The following KLHL40 variants were observed in gnomAD, a reference collection of about 807,000 sequenced individuals.
KLHL40 encodes kelch like family member 40, also known as kelch-like protein 40.
Under a neutral mutation model 49.7 loss-of-function variants are expected in KLHL40, and 44 were observed. The ratio of observed to expected loss-of-function variants is 0.89; its 90% CI spans 0.70 to 1.14. The LOEUF (loss-of-function observed/expected upper bound fraction) is 1.14, where lower values mean the gene tolerates loss of function less well. Ranked by LOEUF, KLHL40 falls within the 50% of genes most tolerant of loss-of-function variation. KLHL40 has a pLI of 0.00. For missense variants in KLHL40, 892 were observed against 850.3 expected, an observed-to-expected ratio of 1.05 and a Z score of -0.61; for synonymous variants, 409 against 365.2, an observed-to-expected ratio of 1.12 and a Z score of -1.37.
chr3:42,686,171 G>C lies in KLHL40; in HGVS notation c.553G>C (p.Gly185Arg), dbSNP rs921432594. The C allele has an allele frequency of 6.9e-6, 11 of 1,588,558 alleles. No homozygotes were observed. The highest frequency in any genetic ancestry group is 1.1e-5 in the South Asian group (1 of 90,032). ...DELIAIISSD[G>R]LNVEKEEAVF... ...GCTCATCGCCATCATCTCCAGCGAC[G>C]GCCTTAACGTGGAGAAGGAGGAGGC... The change falls in exon 1 of 6, where the codon GGC (glycine) becomes CGC (arginine). Residue 185 changes from glycine (G) to arginine (R), a missense_variant. Physicochemically the swap from Gly to Arg is moderately radical, Grantham distance 125. Coordinates refer to ENST00000287777, the MANE Select transcript of KLHL40 (RefSeq NM_152393.4).
In KLHL40 at chr3:42,688,295, G is replaced by T; in HGVS notation, c.1306G>T (p.Asp436Tyr). The stretch of plus-strand genomic sequence containing the variant: ...CTGCCTGGACTCGGTCATGTGCTAC[G>T]ACAGGCTGTGAGCATGGCTGGGGTG... ...ERCLDSVMCY[D>Y]RLSFKWGESD... Residue 436 changes from aspartate to tyrosine, a missense_variant, in exon 2 of 6, where the codon GAC becomes TAC. By Grantham distance (160) the Asp-to-Tyr change is radical. Transcript: ENST00000287777. This position sits in a 1 kb window ranked among gnomAD's most constrained non-coding sequence, Gnocchi z 4.2. 1.2e-6 allele frequency: 2 copies of T among 1,613,900 alleles called. No homozygotes were observed. The highest frequency in any genetic ancestry group is 1.1e-5 in the South Asian group (1 of 91,064).
Position 42,692,017 on chromosome 3 carries a change from G to A in KLHL40, c.*24G>A. On this transcript the variant is annotated 3_prime_UTR_variant, in exon 6 of 6. Transcript: ENST00000287777. ...GACCAGCTCAGGCAGACTGAACTAA[G>A]CACCCCTCCCATCCTGCGACCCTCA... 7.1e-7 allele frequency: 1 copy of A among 1,404,630 alleles called. No homozygotes were observed. The highest frequency in any genetic ancestry group is 1.0e-6 in the Non-Finnish European group (1 of 989,266). 87.0% of individuals were successfully genotyped at this position (1,404,630 alleles called of 1,614,324 possible).
chr3:42,687,122 G>A (rs1308444366), intron 1 of KLHL40, among the ~76,000 whole-genome samples: 5 of 152,184 alleles, frequency 3.3e-5, no homozygotes, highest in East Asian at 1.9e-4. Context: ...GGCCAGGCCC[G>A]GAGCTCACAG....
In KLHL40 at chr3:42,688,449, G is replaced by T. The variant is rs549704959; in HGVS notation, c.1313+147G>T. On this transcript the variant is annotated intron_variant, in intron 2 of 5. Coordinates refer to ENST00000287777, the MANE Select transcript of KLHL40 (RefSeq NM_152393.4). This position sits in a 1 kb window ranked among gnomAD's most constrained non-coding sequence, Gnocchi z 4.2. ...TTGGGTAAGGGCGGGGAGGTTGGGGGGCAGGGTGGGATCAAAGAACTGAGA... is the reference window on the plus strand; with the variant it reads ...TTGGGTAAGGGCGGGGAGGTTGGGGTGCAGGGTGGGATCAAAGAACTGAGA... 1.0e-6 allele frequency: 1 copy of T among 987,628 alleles called. No homozygotes were observed. The highest frequency in any genetic ancestry group is 1.5e-5 in the South Asian group (1 of 66,668). The allele number at this position is 987,628 out of a possible 1,614,324, so 61.2% of individuals were successfully genotyped here.
chr3:42,688,711 G>A lies in KLHL40; in HGVS notation c.1415G>A (p.Ser472Asn), dbSNP rs905617067. ...GTCTACGTAATTGGCGGCAAAGGCAGTGACAGGTGAGGCTGGGCCTGGAGT... is the reference window on the plus strand; with the variant it reads ...GTCTACGTAATTGGCGGCAAAGGCAATGACAGGTGAGGCTGGGCCTGGAGT... ...DLVYVIGGKG[S>N]DRKCLNKMCV... Residue 472 changes from serine to asparagine, a missense_variant, in exon 3 of 6, where the codon AGT (serine) becomes AAT (asparagine). Coordinates refer to ENST00000287777, the MANE Select transcript of KLHL40 (RefSeq NM_152393.4). The surrounding 1 kb of genome is among the most constrained non-coding windows in gnomAD (Gnocchi z 4.2). 6.2e-7 allele frequency: 1 copy of A among 1,613,044 alleles called. No individual in the cohort carries two copies. Among genetic ancestry groups the A allele is most frequent in the South Asian group, 1.1e-5 (1 of 91,064 alleles).
rs926412419 is a variant in KLHL40 at position 42,688,459 on chromosome 3, G to A, written c.1314-151G>A. On this transcript the variant is annotated intron_variant, in intron 2 of 5. Transcript: ENST00000287777. The surrounding 1 kb of genome is among the most constrained non-coding windows in gnomAD (Gnocchi z 4.2). ...GCGGGGAGGTTGGGGGGCAGGGTGG[G>A]ATCAAAGAACTGAGAGGCCTCGGAA... The A allele has an allele frequency of 1.1e-6, 1 of 921,328 alleles. No homozygotes were observed. The highest frequency in any genetic ancestry group is 1.7e-6 in the Non-Finnish European group (1 of 593,578). The allele number at this position is 921,328 out of a possible 1,614,324, so 57.1% of individuals were successfully genotyped here. A position where few individuals can be genotyped will look rare whatever the true frequency, so the allele number is the denominator to read the frequency against.
rs1697392389 is a variant in KLHL40, at chr3:42,692,529, C to T, written c.*536C>T. On this transcript the variant is annotated 3_prime_UTR_variant, in exon 6 of 6. Transcript: ENST00000287777. ...GGGCTGCCAAGGTCGATGGTCTCTGCTCTCCATCTGGTGTCCCCTCCACCC... is the reference window on the plus strand; with the variant it reads ...GGGCTGCCAAGGTCGATGGTCTCTGTTCTCCATCTGGTGTCCCCTCCACCC... 2.7e-6 allele frequency: 2 copies of T among 752,654 alleles called. No homozygotes were observed. The highest frequency in any genetic ancestry group is 6.1e-5 in the Admixed American group (2 of 32,708). 46.6% of individuals were successfully genotyped at this position (752,654 alleles called of 1,614,324 possible).
Position 42,690,840 on chromosome 3 carries a change from C to T in KLHL40, c.1608-19C>T. On this transcript the variant is annotated intron_variant, in intron 4 of 5. Transcript: ENST00000287777. ...CTTGCCGAGGCATCCCAATGATGCA[C>T]CTTCTCACACACCCCCAGGTGGGCA... 1 of 1,578,700 alleles carries T rather than the reference C, an allele frequency of 6.3e-7. No individual in the cohort carries two copies. Among genetic ancestry groups the T allele is most frequent in the Non-Finnish European group, 8.6e-7 (1 of 1,162,226 alleles).
rs1305425767 is a variant in KLHL40, at chr3:42,688,480, C to A, written c.1314-130C>A. 6.2e-6 allele frequency: 6 copies of A among 969,470 alleles called. No homozygotes were observed. In the Admixed American group the frequency reaches 1.2e-4, roughly 20 times the overall value. 60.1% of individuals were successfully genotyped at this position (969,470 alleles called of 1,614,324 possible). On this transcript the variant is annotated intron_variant, in intron 2 of 5. Coordinates refer to ENST00000287777, the MANE Select transcript of KLHL40 (RefSeq NM_152393.4). This position sits in a 1 kb window ranked among gnomAD's most constrained non-coding sequence, Gnocchi z 4.2. ...GTGGGATCAAAGAACTGAGAGGCCT[C>A]GGAAGTTCCAGCAATGGATCTGACG...
At position 42,686,221 on chromosome 3, in the gene KLHL40, G is replaced by A. The variant is rs1221790507; in HGVS notation, c.603G>A (p.Trp201Ter). The A allele has an allele frequency of 1.3e-6, 2 of 1,556,134 alleles. No homozygotes were observed. The highest frequency in any genetic ancestry group is 1.2e-5 in the South Asian group (1 of 86,024). The change falls in exon 1 of 6, where the codon TGG (tryptophan) becomes TGA (stop). Residue 201 changes from tryptophan (W) to a stop codon, truncating the protein, a stop_gained. Coordinates refer to ENST00000287777, the MANE Select transcript of KLHL40 (RefSeq NM_152393.4). LOFTEE classifies it high-confidence loss of function. ...CAGTGTTCGAGGCGGTGATGCGGTG[G>A]GCGGGTAGCGGCGACGCCGAGGCGC... ...EEAVFEAVMR[W>*]AGSGDAEAQA...
chr3:42,688,902 C>T lies in KLHL40; in HGVS notation c.1455C>T (p.Pro485=), dbSNP rs1471880319. 1 of 1,614,160 alleles carries T rather than the reference C, an allele frequency of 6.2e-7. No homozygotes were observed. Among genetic ancestry groups the T allele is most frequent in the Admixed American group, 1.7e-5 (1 of 60,020 alleles). Residue 485 remains proline (P), a synonymous_variant, in exon 4 of 6, where the codon CCC becomes CCT. Transcript: ENST00000287777. The surrounding 1 kb of genome is among the most constrained non-coding windows in gnomAD (Gnocchi z 4.2). ...TGAACAAGATGTGCGTCTATGACCC[C>T]AAGAAGTTTGAGTGGAAGGAGCTGG... The part of the protein sequence containing the change: ...KCLNKMCVYD[P]KKFEWKELAP...
At position 42,686,216 on chromosome 3, in the gene KLHL40, C is replaced by A. The variant is rs548002700; in HGVS notation, c.598C>A (p.Arg200=). 14 of 1,562,442 alleles carry A rather than the reference C, an allele frequency of 9.0e-6. No individual in the cohort carries two copies. The South Asian group carries it at 1.4e-4, about 15-fold the overall frequency. The change falls in exon 1 of 6, where the codon CGG becomes AGG. Residue 200 remains arginine, a synonymous_variant. Coordinates refer to ENST00000287777, the MANE Select transcript of KLHL40 (RefSeq NM_152393.4). ...GGAGGCAGTGTTCGAGGCGGTGATG[C>A]GGTGGGCGGGTAGCGGCGACGCCGA... ...KEEAVFEAVM[R]WAGSGDAEAQ... is the part of the protein sequence containing the mutation.
Position 42,688,031 on chromosome 3 carries a change from C to T in KLHL40, c.1153-111C>T, listed in dbSNP as rs1697299799. The T allele has an allele frequency of 3.9e-6, 5 of 1,288,494 alleles. No individual in the cohort carries two copies. Among genetic ancestry groups the T allele is most frequent in the African/African-American group, 2.9e-5 (2 of 69,070 alleles). The allele number at this position is 1,288,494 out of a possible 1,614,324, so 79.8% of individuals were successfully genotyped here. On this transcript the variant is annotated intron_variant, in intron 1 of 5. Coordinates refer to ENST00000287777, the MANE Select transcript of KLHL40 (RefSeq NM_152393.4). This position sits in a 1 kb window ranked among gnomAD's most constrained non-coding sequence, Gnocchi z 4.2. Reference sequence around the variant, plus strand: ...TCAGGGCACCTCCAGGCTGTATTGGCCCTACCTGGGTTCCCGACCTCCTCC... The same window carrying T: ...TCAGGGCACCTCCAGGCTGTATTGGTCCTACCTGGGTTCCCGACCTCCTCC...
At chr3:42,691,104 G>A (rs570680069) in intron 5 of KLHL40, 99 bp downstream of exon 5, 28 of 1,243,266 alleles carry the variant, frequency 2.3e-5, no homozygotes, top group Middle Eastern at 5.1e-4. Context: ...GCTCCTCTGG[G>A]GGCAAAGCGG....
intron 1 of KLHL40, among the ~76,000 whole-genome samples, chr3:42,687,815 C>A (rs1480886395): frequency 6.6e-6 from 1 of 151,988 alleles, no homozygotes; most frequent in East Asian, 1.9e-4. Flanking sequence ...GAGGAGGGGG[C>A]AGGCAGGCCT....
intron 1 of KLHL40, 45 bp downstream of exon 1, chr3:42,686,815 G>T (rs756101004): frequency 2.1e-5 from 32 of 1,525,888 alleles, no homozygotes; most frequent in Non-Finnish European, 2.6e-5. Flanking sequence ...CTGGGCTCTA[G>T]GCACTGTGGA....
At chr3:42,690,821 G>C (rs148834202) in intron 4 of KLHL40, 38 bp from the exon 5 acceptor site, 1 of 1,551,314 alleles carries the variant, frequency 6.4e-7, no homozygotes, top group Non-Finnish European at 8.7e-7. Flanking sequence ...TGGGCTTGCC[G>C]AGGCATCCCA....
intron 4 of KLHL40, among the ~76,000 whole-genome samples, chr3:42,689,533 G>A (rs1697327988): frequency 6.6e-6 from 1 of 152,156 alleles, no homozygotes; most frequent in African/African-American, 2.4e-5. Context: ...GCTGGGTGGA[G>A]GTGGGTGGGT....
At chr3:42,689,378 A>G (rs1697326051) in intron 4 of KLHL40, among the ~76,000 whole-genome samples, 2 of 152,150 alleles carry the variant, frequency 1.3e-5, no homozygotes, top group Admixed American at 6.5e-5. Flanking sequence ...ATCAGAAAAG[A>G]GAAAACTGAA....
Sources: allele counts gnomAD v4.1 joint callset (sites outside exome capture counted in the v4.1 genomes callset), GRCh38; gene constraint gnomAD v4.1.1; non-coding constraint Gnocchi (gnomAD v3.1); transcripts MANE v1.5; gene names NCBI Gene and HGNC (gene_info 2026-07-23, HGNC 2026-07-21).